The following SUMF1 variants were observed in gnomAD, a reference collection of about 807,000 sequenced individuals.
SUMF1 encodes the protein formylglycine-generating enzyme.
A neutral mutation model predicts 47.6 loss-of-function variants in SUMF1; 48 were observed. That is an observed-to-expected ratio of 1.01 (90% CI 0.80 to 1.28). The LOEUF (loss-of-function observed/expected upper bound fraction) is 1.28, where lower values mean the gene tolerates loss of function less well. SUMF1 is among the 50% of genes most tolerant of loss of function. The probability of loss-of-function intolerance (pLI) is 0.00; values close to 1 mark genes in which losing one functional copy is unlikely to be tolerated. For missense variants in SUMF1, 571 were observed against 485.4 expected, an observed-to-expected ratio of 1.18 and a Z score of -1.66; for synonymous variants, 230 against 192.1, an observed-to-expected ratio of 1.20 and a Z score of -1.63.
At chr3:4,247,577 T>C (rs953385423) in intron 8 of SUMF1, among the ~76,000 whole-genome samples, 4 of 151,392 alleles carry the variant, frequency 2.6e-5, no homozygotes, top group African/African-American at 9.7e-5. Flanking sequence ...AGCTGGAGAT[T>C]TGTAGTGCTA....
rs770091674 is a variant in SUMF1, at chr3:4,335,960, C to CAAAAAAAAAAAAAAAA, written c.1014+40354_1014+40369dup. Among the ~76,000 whole-genome samples, 102 of 73,852 alleles carry CAAAAAAAAAAAAAAAA rather than the reference C, an allele frequency of 1.4e-3. 8 individuals carry two copies. Among genetic ancestry groups the CAAAAAAAAAAAAAAAA allele is most frequent in the African/African-American group, 5.3e-3 (75 of 14,064 alleles). The allele number at this position is 73,852 out of a possible 152,430, so 48.4% of individuals were successfully genotyped here. A position where few individuals can be genotyped will look rare whatever the true frequency, so the allele number is the denominator to read the frequency against. On this transcript the variant is annotated intron_variant and NMD_transcript_variant, in intron 8 of 12. Coordinates refer to the SUMF1 transcript ENST00000448413. The stretch of plus-strand genomic sequence containing the variant: ...TGGACAACTGAGTGAGATTCCAACT[C>CAAAAAAAAAAAAAAAA]AAAAAAAAAAAAAAAAAAAACAGAA...
intron 8 of SUMF1, among the ~76,000 whole-genome samples, chr3:4,182,790 T>C (rs985468653): frequency 4.6e-5 from 7 of 152,162 alleles, no homozygotes; most frequent in African/African-American, 1.7e-4. Context: ...ATTAGTACTA[T>C]GCTTTAGAGT....
chr3:4,249,570 G>C (rs1374462184), intron 8 of SUMF1, among the ~76,000 whole-genome samples: 1 of 152,052 alleles, frequency 6.6e-6, no homozygotes, highest in East Asian at 1.9e-4. Context: ...TTTGTGTTCT[G>C]ACTGCTCTAC....
chr3:4,341,653 A>T (rs763756437), intron 8 of SUMF1, among the ~76,000 whole-genome samples: 1 of 152,202 alleles, frequency 6.6e-6, no homozygotes, highest in East Asian at 1.9e-4. Context: ...ACAAGCATTT[A>T]TAAGTCATTT....
intron 8 of SUMF1, among the ~76,000 whole-genome samples, chr3:4,073,768 C>T (rs946139757): frequency 1.3e-5 from 2 of 152,116 alleles, no homozygotes; most frequent in African/African-American, 4.8e-5. Flanking sequence ...GTAAAGGGAT[C>T]AATTCAACAA....
rs77577651 is a variant in SUMF1, at chr3:4,306,413, G to A, written c.1014+69917C>T. ...ACGTCTATTTTTAAAAGGGGAGAAA[G>A]GAGTGACAAGAGGAAGCTTTGTGAT... On this transcript the variant is annotated intron_variant and NMD_transcript_variant, in intron 8 of 12. Transcript: ENST00000448413. Among the ~76,000 whole-genome samples the A allele has an allele frequency of 1.8e-3, 279 of 152,260 alleles. 1 individual carries two copies. The East Asian group carries it at 0.028, about 15-fold the overall frequency.
At chr3:4,084,319 G>A (rs536454901) in intron 8 of SUMF1, among the ~76,000 whole-genome samples, 9 of 152,244 alleles carry the variant, frequency 5.9e-5, no homozygotes, top group African/African-American at 1.9e-4. Context: ...CTACTCAGGA[G>A]TAGATGTTTT....
At chr3:4,265,136 C>CAAAAAAAA (rs71043507) in intron 8 of SUMF1, among the ~76,000 whole-genome samples, 3 of 73,418 alleles carry the variant, frequency 4.1e-5, no homozygotes, top group African/African-American at 5.2e-5. Context: ...GACTCCATCT[C>CAAAAAAAA]AAAAAAAAAA....
chr3:4,420,057 G>C lies in SUMF1; in HGVS notation c.602+7C>G, dbSNP rs2125041736. The C allele has an allele frequency of 6.2e-7, 1 of 1,613,604 alleles. No individual in the cohort carries two copies. Among genetic ancestry groups the C allele is most frequent in the Non-Finnish European group, 8.5e-7 (1 of 1,179,514 alleles). On this transcript the variant is annotated splice_region_variant and intron_variant, in intron 4 of 8. Transcript: ENST00000272902. ...TTGTCAACTGGGGAAAGAGGGACCA[G>C]CCTCACCTGTGCAGAATAGTAGAGT...
intron 9 of SUMF1, among the ~76,000 whole-genome samples, chr3:4,051,437 C>T (rs997727601): frequency 1.6e-4 from 25 of 152,116 alleles, no homozygotes; most frequent in African/African-American, 5.8e-4. Flanking sequence ...TGTCCACACT[C>T]GCTCAAGTGT....
chr3:4,257,790 G>A (rs1696989196), intron 8 of SUMF1, among the ~76,000 whole-genome samples: 2 of 152,056 alleles, frequency 1.3e-5, no homozygotes, highest in Non-Finnish European at 2.9e-5. Flanking sequence ...CCAAAAAAGA[G>A]CCCGTGTGGC....
chr3:4,076,071 T>C (rs575210936), intron 8 of SUMF1, among the ~76,000 whole-genome samples: 1 of 152,158 alleles, frequency 6.6e-6, no homozygotes, highest in Admixed American at 6.5e-5. Flanking sequence ...GGAGGCATCA[T>C]GCTACCTGAC....
At chr3:4,199,495 G>C (rs1218450643) in intron 8 of SUMF1, among the ~76,000 whole-genome samples, 2 of 152,114 alleles carry the variant, frequency 1.3e-5, no homozygotes, top group Admixed American at 6.6e-5. Flanking sequence ...ACATAGGAGA[G>C]AAATTTCTGG....
chr3:4,048,016 G>A (rs1479996243), intron 9 of SUMF1, among the ~76,000 whole-genome samples: 2 of 152,052 alleles, frequency 1.3e-5, no homozygotes, highest in African/African-American at 4.8e-5. Flanking sequence ...CCTTCCCCAA[G>A]GTCACAGAGC....
downstream of SUMF1, among the ~76,000 whole-genome samples, chr3:4,359,359 C>G (rs1395350264): frequency 6.6e-6 from 1 of 152,076 alleles, no homozygotes; most frequent in Non-Finnish European, 1.5e-5. Context: ...TTCACTGCAG[C>G]CTTGAGCTCT....
At chr3:4,241,684 C>T (rs1266418043) in intron 8 of SUMF1, among the ~76,000 whole-genome samples, 2 of 152,078 alleles carry the variant, frequency 1.3e-5, no homozygotes, top group East Asian at 1.9e-4. Flanking sequence ...GGGGTAAATA[C>T]CCAAGGTTCG....
At chr3:4,256,120 G>A (rs1395465565) in intron 8 of SUMF1, among the ~76,000 whole-genome samples, 1 of 138,926 alleles carries the variant, frequency 7.2e-6, no homozygotes, top group Non-Finnish European at 1.6e-5. Flanking sequence ...AAAGCAGTGT[G>A]TAGAGGGAAA....
intron 8 of SUMF1, among the ~76,000 whole-genome samples, chr3:4,219,104 C>G (rs551936261): frequency 6.6e-6 from 1 of 152,316 alleles, no homozygotes; most frequent in South Asian, 2.1e-4. Context: ...ATACCACCCC[C>G]ACACAGGCTT....
intron 7 of SUMF1, among the ~76,000 whole-genome samples, chr3:4,379,403 G>A (rs1231993170): frequency 1.3e-5 from 2 of 152,218 alleles, no homozygotes; most frequent in African/African-American, 2.4e-5. Flanking sequence ...TGGAGGCAGG[G>A]ACTGGAGTGA....
Sources: gnomAD v4.1 joint callset for allele counts (sites outside exome capture counted in the v4.1 genomes callset) on GRCh38, gnomAD v4.1.1 for gene constraint, MANE v1.5 for transcripts, NCBI Gene and HGNC (gene_info 2026-07-23, HGNC 2026-07-21) for gene names.